CSMD1: variants seen among roughly 807,000 people sequenced by gnomAD.
CSMD1 encodes the protein CUB and sushi domain-containing protein 1.
In CSMD1, 213 loss-of-function variants were observed where a neutral mutation model predicts 417.5. The observed-to-expected ratio is 0.51, with a 90% CI of 0.46 to 0.57. The LOEUF (loss-of-function observed/expected upper bound fraction) is 0.57, where lower values mean the gene tolerates loss of function less well. CSMD1 is among the 20% of genes least tolerant of loss of function. CSMD1 has a pLI of 0.00. For synonymous variants in CSMD1, 2,862 were observed against 1,736.8 expected, an observed-to-expected ratio of 1.65 and a Z score of -16.11; for missense variants, 6,923 against 4,529.7, an observed-to-expected ratio of 1.53 and a Z score of -15.17.
chr8:3,790,756 G>C (rs186641565), intron 5 of CSMD1, among the ~76,000 whole-genome samples: 172 of 152,252 alleles, frequency 1.1e-3, no homozygotes, highest in Middle Eastern at 6.8e-3. Context: ...ACGACCTTCA[G>C]AAATAACTGC....
At chr8:3,026,860 G>A (rs866442037) in intron 51 of CSMD1, among the ~76,000 whole-genome samples, 2 of 152,236 alleles carry the variant, frequency 1.3e-5, no homozygotes, top group Middle Eastern at 6.8e-3. Context: ...AAAGAGGCTG[G>A]GCTATCCCTT....
intron 1 of CSMD1, among the ~76,000 whole-genome samples, chr8:4,967,655 G>A (rs566432672): frequency 1.4e-4 from 22 of 152,200 alleles, no homozygotes; most frequent in Admixed American, 1.2e-3. Context: ...TTATTCTCTG[G>A]TTCTAATGAG....
chr8:3,485,260 G>C (rs1317900184), intron 11 of CSMD1, among the ~76,000 whole-genome samples: 1 of 152,162 alleles, frequency 6.6e-6, no homozygotes, highest in Non-Finnish European at 1.5e-5. Flanking sequence ...ACAAAGTCCA[G>C]GGAATTTTGC....
chr8:4,359,453 A>T (rs1236315988), intron 3 of CSMD1, among the ~76,000 whole-genome samples: 2 of 152,224 alleles, frequency 1.3e-5, no homozygotes, highest in Non-Finnish European at 2.9e-5. Context: ...ATTTAAAGCT[A>T]AGCCATTCTT....
At position 4,357,333 on chromosome 8, in the gene CSMD1, G is replaced by A. The variant is rs374118214; in HGVS notation, c.415+62620C>T. On this transcript the variant is annotated intron_variant, in intron 3 of 69. Coordinates refer to ENST00000635120, the MANE Select transcript of CSMD1 (RefSeq NM_033225.6). Reference sequence around the variant, plus strand: ...TTCCTCCTGATATCATGCCTGTTGCGTAAGCTATTCACAACAGGATCGTAG... The same window carrying A: ...TTCCTCCTGATATCATGCCTGTTGCATAAGCTATTCACAACAGGATCGTAG... 6.1e-4 allele frequency among the ~76,000 whole-genome samples: 93 copies of A among 152,154 alleles called. No homozygotes were observed. The Middle Eastern group carries it at 0.01, about 17-fold the overall frequency.
At chr8:3,888,595 G>A (rs950313073) in intron 5 of CSMD1, among the ~76,000 whole-genome samples, 1 of 152,168 alleles carries the variant, frequency 6.6e-6, no homozygotes, top group Non-Finnish European at 1.5e-5. Context: ...TGGCCCAGCT[G>A]CATAATCTAA....
At chr8:3,471,484 C>T (rs2117199493) in intron 11 of CSMD1, among the ~76,000 whole-genome samples, 1 of 95,258 alleles carries the variant, frequency 1.0e-5, no homozygotes, top group South Asian at 3.2e-4. Flanking sequence ...TGGCTTAGTT[C>T]CTTCCTTCTT....
chr8:3,810,010 A>C (rs1182618048), intron 5 of CSMD1, among the ~76,000 whole-genome samples: 1 of 152,204 alleles, frequency 6.6e-6, no homozygotes, highest in African/African-American at 2.4e-5. Flanking sequence ...TGACTGCCAC[A>C]TGCAAAATTA....
At chr8:4,725,167 T>G (rs1809345178) in intron 1 of CSMD1, among the ~76,000 whole-genome samples, 1 of 152,130 alleles carries the variant, frequency 6.6e-6, no homozygotes, top group African/African-American at 2.4e-5. Context: ...AAGAATACAT[T>G]AAAAACAATA....
chr8:4,324,795 C>T lies in CSMD1; in HGVS notation c.415+95158G>A, dbSNP rs76661917. 8.0e-3 allele frequency among the ~76,000 whole-genome samples: 1,219 copies of T among 152,258 alleles called. 10 individuals carry two copies. The highest frequency in any genetic ancestry group is 0.027 in the African/African-American group (1,121 of 41,544). ...AAACATCGAAAGTGTGTTTACCTAG[C>T]GCCTGCTTCCCATGTCTTGCTAGAG... On this transcript the variant is annotated intron_variant, in intron 3 of 69. Transcript: ENST00000635120.
At chr8:3,784,376 T>C (rs949829476) in intron 5 of CSMD1, among the ~76,000 whole-genome samples, 10 of 152,158 alleles carry the variant, frequency 6.6e-5, no homozygotes, top group African/African-American at 2.2e-4. Flanking sequence ...CAATGAGAAA[T>C]CACACGATTC....
chr8:3,632,623 T>A (rs1168815590), intron 7 of CSMD1, among the ~76,000 whole-genome samples: 1 of 152,204 alleles, frequency 6.6e-6, no homozygotes, highest in Non-Finnish European at 1.5e-5. Flanking sequence ...CTAATTCTCC[T>A]GAAAGAATTC....
At chr8:3,899,467 C>T (rs1398332498) in intron 5 of CSMD1, among the ~76,000 whole-genome samples, 1 of 152,092 alleles carries the variant, frequency 6.6e-6, no homozygotes, top group Non-Finnish European at 1.5e-5. Context: ...ATTGATCCAA[C>T]CGCAGAGGTG....
chr8:4,339,665 T>C (rs183771397), intron 3 of CSMD1, among the ~76,000 whole-genome samples: 1 of 152,150 alleles, frequency 6.6e-6, no homozygotes, highest in East Asian at 1.9e-4. Context: ...CAATATGTTA[T>C]GTTTGGATGG....
At chr8:4,663,184 G>C (rs1804710077) in intron 1 of CSMD1, among the ~76,000 whole-genome samples, 1 of 152,128 alleles carries the variant, frequency 6.6e-6, no homozygotes, top group Non-Finnish European at 1.5e-5. Context: ...GGGAAGTGCT[G>C]GTTCTCTTGG....
intron 3 of CSMD1, among the ~76,000 whole-genome samples, chr8:4,294,508 A>T (rs564544400): frequency 6.6e-6 from 1 of 152,290 alleles, no homozygotes; most frequent in East Asian, 1.9e-4. Context: ...GGATAATGCC[A>T]TGAGTTCCTC....
intron 5 of CSMD1, among the ~76,000 whole-genome samples, chr8:3,840,467 A>G (rs1472075766): frequency 6.6e-6 from 1 of 152,178 alleles, no homozygotes; most frequent in Non-Finnish European, 1.5e-5. Flanking sequence ...CCTGAACATA[A>G]TAGGCATTCA....
chr8:3,775,873 T>C (rs997061079), intron 5 of CSMD1, among the ~76,000 whole-genome samples: 4 of 152,314 alleles, frequency 2.6e-5, no homozygotes, highest in Admixed American at 2.0e-4. Flanking sequence ...TCCTGAGACC[T>C]CTCTCCCTTG....
intron 1 of CSMD1, among the ~76,000 whole-genome samples, chr8:4,965,364 G>A (rs535407344): frequency 1.3e-5 from 2 of 152,316 alleles, no homozygotes; most frequent in South Asian, 2.1e-4. Flanking sequence ...TAAAGCAGGT[G>A]TACACAAGGT....
Sources: allele counts gnomAD v4.1 joint callset (sites outside exome capture counted in the v4.1 genomes callset), GRCh38; gene constraint gnomAD v4.1.1; transcripts MANE v1.5; gene names NCBI Gene and HGNC (gene_info 2026-07-23, HGNC 2026-07-21).